DNAI7: variants seen among roughly 807,000 people sequenced by gnomAD.
DNAI7 encodes dynein axonemal intermediate chain 7.
In DNAI7, 78 loss-of-function variants were observed where a neutral mutation model predicts 86.6. That is an observed-to-expected ratio of 0.90 (90% CI 0.75 to 1.09). DNAI7 has a LOEUF of 1.09. DNAI7 is among the 50% of genes least tolerant of loss of function. The pLI is 0.00. For missense variants in DNAI7, 753 were observed against 810.2 expected (o/e 0.93, Z 0.86); for synonymous variants, 274 against 273.0 (o/e 1.00, Z -0.04).
At chr12:25,115,291 A>AT (rs755519559) in intron 12 of DNAI7, among the ~76,000 whole-genome samples, 18 of 152,184 alleles carry the variant, frequency 1.2e-4, no homozygotes, top group Non-Finnish European at 2.2e-4. Flanking sequence ...AAATTCATGT[A>AT]TTTTTTGTAT....
chr12:25,180,591 C>CA (rs756997831), intron 2 of DNAI7, among the ~76,000 whole-genome samples: 3 of 152,016 alleles, frequency 2.0e-5, no homozygotes, highest in Non-Finnish European at 2.9e-5. Context: ...AAAAATAGAT[C>CA]AATGGAACAC....
rs1946034786 is a variant in DNAI7, at chr12:25,155,341, T to C, written c.270A>G (p.Lys90=). 2 of 1,604,814 alleles carry C rather than the reference T, an allele frequency of 1.2e-6. No individual in the cohort carries two copies. Among genetic ancestry groups the C allele is most frequent in the Admixed American group, 1.7e-5 (1 of 59,100 alleles). Residue 90 remains lysine, a synonymous_variant, in exon 5 of 16, where the codon AAA becomes AAG. Coordinates refer to ENST00000395987, the MANE Select transcript of DNAI7 (RefSeq NM_018272.5). The part of the protein sequence containing the change: ...LLERCFPEAE[K]LKQETKLLSQ... ...AAAGCAATTTAGTTTCCTGTTTCAATTTCTCTGCTTCAGGAAAACACCTCT... is the reference window on the plus strand; with the variant it reads ...AAAGCAATTTAGTTTCCTGTTTCAACTTCTCTGCTTCAGGAAAACACCTCT...
chr12:25,136,623 C>G (rs1943585511), intron 9 of DNAI7, among the ~76,000 whole-genome samples: 1 of 152,078 alleles, frequency 6.6e-6, no homozygotes. Context: ...AAGGAGTCAT[C>G]AGAGAAAGGT....
In DNAI7 at chr12:25,114,644, A is replaced by C; in HGVS notation, c.1611+12T>G. On this transcript the variant is annotated intron_variant, in intron 13 of 15. Transcript: ENST00000395987. ...GATACGATAGTACATAACAGCTACAAGAGTAACTCACCTTAATTTGTATTT... is the reference window on the plus strand; with the variant it reads ...GATACGATAGTACATAACAGCTACACGAGTAACTCACCTTAATTTGTATTT... The C allele has an allele frequency of 1.3e-6, 2 of 1,562,208 alleles. No homozygotes were observed. The highest frequency in any genetic ancestry group is 1.8e-6 in the Non-Finnish European group (2 of 1,133,058).
At chr12:25,194,335 C>G (rs1340024914) in intron 1 of DNAI7, among the ~76,000 whole-genome samples, 1 of 152,206 alleles carries the variant, frequency 6.6e-6, no homozygotes, top group Non-Finnish European at 1.5e-5. Context: ...GAGTTGTCGT[C>G]ATGTTCTTCT....
At chr12:25,131,037 AT>A (rs1942847426) in intron 9 of DNAI7, among the ~76,000 whole-genome samples, 1 of 152,082 alleles carries the variant, frequency 6.6e-6, no homozygotes, top group African/African-American at 2.4e-5. Flanking sequence ...CTGGGCCATA[AT>A]TGCCTGCATT....
intron 2 of DNAI7, among the ~76,000 whole-genome samples, chr12:25,178,607 T>C (rs1949200892): frequency 2.0e-5 from 3 of 152,114 alleles, no homozygotes; most frequent in African/African-American, 7.2e-5. Context: ...ATCCTTGCAC[T>C]TACAATTCAA....
intron 14 of DNAI7, among the ~76,000 whole-genome samples, chr12:25,110,506 T>C (rs1456024540): frequency 2.0e-5 from 3 of 152,148 alleles, no homozygotes; most frequent in Admixed American, 6.6e-5. Flanking sequence ...CTTTTTCTTC[T>C]CCCTTTGCTC....
At chr12:25,125,007 T>A (rs1292186484) in intron 9 of DNAI7, among the ~76,000 whole-genome samples, 1 of 152,232 alleles carries the variant, frequency 6.6e-6, no homozygotes, top group Non-Finnish European at 1.5e-5. Context: ...ATTTTCTTTA[T>A]CCAATCTGTC....
At chr12:25,107,091 TGGGAAA>T, downstream of DNAI7, 1 of 1,134,896 alleles carries the variant, frequency 8.8e-7, no homozygotes, top group Non-Finnish European at 1.3e-6. Context: ...TTTAGTGGAA[TGGGAAA>T]GGGTGAGGCA....
rs373061521 is a variant in DNAI7 at position 25,161,161 on chromosome 12, G to A, written c.58C>T (p.Arg20Ter). The change falls in exon 3 of 16, where the codon CGA (arginine) becomes TGA (stop). Residue 20 changes from arginine (R) to a stop codon, truncating the protein, a stop_gained. Coordinates refer to ENST00000395987, the MANE Select transcript of DNAI7 (RefSeq NM_018272.5). LOFTEE classifies it high-confidence loss of function. ...SKKKKVTKAE[R>*]LKLLQEEEER... ...TCCTCCTCTTGTAGCAGCTTCAATCGTTCAGCTTTGGTGACTTTCTTTTTC... is the reference window on the plus strand; with the variant it reads ...TCCTCCTCTTGTAGCAGCTTCAATCATTCAGCTTTGGTGACTTTCTTTTTC... 1.7e-5 allele frequency: 28 copies of A among 1,613,572 alleles called. No individual in the cohort carries two copies. Among genetic ancestry groups the A allele is most frequent in the Middle Eastern group, 1.6e-4 (1 of 6,080 alleles).
Position 25,123,268 on chromosome 12 carries a change from A to G in DNAI7, c.1021T>C (p.Ser341Pro), listed in dbSNP as rs762878959. 18 of 1,607,920 alleles carry G rather than the reference A, an allele frequency of 1.1e-5. No homozygotes were observed. Among genetic ancestry groups the G allele is most frequent in the South Asian group, 4.4e-5 (4 of 90,034 alleles). ...TCTCGTTCACATTTTATGGCTTCAG[A>G]TTCTTCCTCAGCAGAACTCTATAAA... is the stretch of plus-strand genomic sequence containing the variant. ...EVKMSSAEEE[S>P]EAIKCEREMK... The change falls in exon 10 of 16, where the codon TCT becomes CCT. Residue 341 changes from serine to proline, a missense_variant. By Grantham distance (74) the Ser-to-Pro change is moderately conservative. Transcript: ENST00000395987.
intron 2 of DNAI7, among the ~76,000 whole-genome samples, chr12:25,187,585 C>T (rs1366708323): frequency 6.6e-6 from 1 of 152,054 alleles, no homozygotes; most frequent in Non-Finnish European, 1.5e-5. Flanking sequence ...TCCATGTTTG[C>T]AAGAACTTAT....
At chr12:25,113,938 GTTTTTTTT>G (rs112532652) in intron 13 of DNAI7, among the ~76,000 whole-genome samples, 10 of 82,834 alleles carry the variant, frequency 1.2e-4, no homozygotes, top group African/African-American at 4.4e-4. Context: ...TTCTTTCTGG[GTTTTTTTT>G]TTTTTTTTTT....
intron 2 of DNAI7, among the ~76,000 whole-genome samples, chr12:25,177,580 T>C (rs1189837138): frequency 6.6e-6 from 1 of 152,220 alleles, no homozygotes. Flanking sequence ...GGATTGTTTC[T>C]GGTTTCTTAC....
At chr12:25,137,139 GAA>G (rs1358057579) in intron 9 of DNAI7, among the ~76,000 whole-genome samples, 2 of 152,080 alleles carry the variant, frequency 1.3e-5, no homozygotes, top group Non-Finnish European at 2.9e-5. Flanking sequence ...CAAGACAAAG[GAA>G]AAAGTCTTAA....
chr12:25,165,335 C>G (rs957549503), intron 2 of DNAI7, among the ~76,000 whole-genome samples: 5 of 152,210 alleles, frequency 3.3e-5, no homozygotes, highest in Non-Finnish European at 7.3e-5. Flanking sequence ...CAAACCCCAG[C>G]CATATCTCCA....
Position 25,108,461 on chromosome 12 carries a change from C to G in DNAI7, c.*87G>C, listed in dbSNP as rs1949405847. ...TTTAATAGTTGATTTGAAATGTATT[C>G]ATTCACTCATTACATTGTGTTGCAG... On this transcript the variant is annotated 3_prime_UTR_variant, in exon 16 of 16. Coordinates refer to ENST00000395987, the MANE Select transcript of DNAI7 (RefSeq NM_018272.5). The G allele has an allele frequency of 9.3e-7, 1 of 1,076,880 alleles. No homozygotes were observed. The highest frequency in any genetic ancestry group is 1.9e-5 in the South Asian group (1 of 53,810). The allele number at this position is 1,076,880 out of a possible 1,614,324, so 66.7% of individuals were successfully genotyped here.
At chr12:25,175,827 C>G (rs1474175473) in intron 2 of DNAI7, among the ~76,000 whole-genome samples, 5 of 151,978 alleles carry the variant, frequency 3.3e-5, no homozygotes, top group African/African-American at 9.6e-5. Flanking sequence ...CACCTGTAAT[C>G]CCAGCACTTT....
Sources: gnomAD v4.1 joint callset for allele counts (sites outside exome capture counted in the v4.1 genomes callset) on GRCh38, gnomAD v4.1.1 for gene constraint, MANE v1.5 for transcripts, NCBI Gene and HGNC (gene_info 2026-07-23, HGNC 2026-07-21) for gene names.